Variants in DLGAP1 observed in about 807,000 individuals in gnomAD.
DLGAP1 encodes disks large-associated protein 1.
In DLGAP1, 11 loss-of-function variants were observed where a neutral mutation model predicts 90.8. The ratio of observed to expected loss-of-function variants is 0.12; its 90% CI spans 0.08 to 0.20. The LOEUF is 0.20. DLGAP1 is among the 10% of genes least tolerant of loss of function. DLGAP1 has a pLI of 1.00. For synonymous variants in DLGAP1, 558 were observed against 540.7 expected (o/e 1.03, Z -0.44); for missense variants, 1,050 against 1,333.8 (o/e 0.79, Z 3.31).
At chr18:4,339,441 C>A (rs2081142599) in intron 1 of DLGAP1, among the ~76,000 whole-genome samples, 1 of 152,076 alleles carries the variant, frequency 6.6e-6, no homozygotes, top group Non-Finnish European at 1.5e-5. Flanking sequence ...TCCTATGCAA[C>A]AAACCTGCAC....
At chr18:3,639,958 G>A (rs968854723) in intron 7 of DLGAP1, among the ~76,000 whole-genome samples, 3 of 151,126 alleles carry the variant, frequency 2.0e-5, no homozygotes, top group Admixed American at 2.0e-4. Context: ...GTTTCACCGT[G>A]TTAGCCAGGA....
chr18:3,628,576 C>G (rs1392794480), intron 7 of DLGAP1, among the ~76,000 whole-genome samples: 85 of 152,282 alleles, frequency 5.6e-4, no homozygotes, highest in Non-Finnish European at 8.8e-5. Context: ...AGTTCACATT[C>G]CCCGTGCATC....
At chr18:3,803,107 C>T (rs190542025) in intron 5 of DLGAP1, among the ~76,000 whole-genome samples, 22 of 152,140 alleles carry the variant, frequency 1.4e-4, no homozygotes, top group Non-Finnish European at 1.2e-4. Context: ...ATTTCCATCA[C>T]GGCCAATATC....
At chr18:3,969,522 G>A (rs1256570080) in intron 3 of DLGAP1, among the ~76,000 whole-genome samples, 1 of 152,146 alleles carries the variant, frequency 6.6e-6, no homozygotes, top group African/African-American at 2.4e-5. Context: ...TACACAGAAA[G>A]ACAGTGGTTT....
intron 2 of DLGAP1, among the ~76,000 whole-genome samples, chr18:4,066,339 T>C (rs541585040): frequency 1.4e-4 from 21 of 151,856 alleles, no homozygotes; most frequent in African/African-American, 4.8e-4. Flanking sequence ...AGAGCTTCTG[T>C]ACAGCAAAAA....
chr18:3,868,053 C>T (rs973484939), intron 4 of DLGAP1, among the ~76,000 whole-genome samples: 2 of 152,152 alleles, frequency 1.3e-5, no homozygotes, highest in Non-Finnish European at 2.9e-5. Context: ...CGTTTCACCT[C>T]CTTTGTGAAA....
chr18:4,057,319 G>A (rs1007244341), intron 2 of DLGAP1, among the ~76,000 whole-genome samples: 22 of 152,122 alleles, frequency 1.4e-4, no homozygotes, highest in Admixed American at 1.0e-3. Flanking sequence ...AGGCAAAATG[G>A]CAGGCTTTAA....
chr18:3,762,002 A>G lies in DLGAP1; in HGVS notation c.1173-19490T>C, dbSNP rs970590102. 3.9e-5 allele frequency among the ~76,000 whole-genome samples: 6 copies of G among 152,232 alleles called. No individual in the cohort carries two copies. The East Asian group carries it at 1.2e-3, about 29-fold the overall frequency. ...ACTAACATTTGGGGACCAACACAAT[A>G]AAAACAAACCATCATTTCCCCCACC... On this transcript the variant is annotated intron_variant, in intron 5 of 12. Coordinates refer to ENST00000315677, the MANE Select transcript of DLGAP1 (RefSeq NM_004746.4).
At chr18:3,548,051 A>G (rs72864719) in intron 9 of DLGAP1, among the ~76,000 whole-genome samples, 8,771 of 152,310 alleles carry the variant, frequency 0.058, 325 homozygotes, top group Middle Eastern at 0.15. Flanking sequence ...AGGCAAGTCC[A>G]TAGAGACAGC....
intron 10 of DLGAP1, among the ~76,000 whole-genome samples, chr18:3,521,212 G>A (rs1442259315): frequency 1.3e-5 from 2 of 152,124 alleles, no homozygotes; most frequent in African/African-American, 4.8e-5. Flanking sequence ...ACAATTAGGG[G>A]TACAAGGCTT....
At chr18:3,566,216 A>G (rs1465498452) in intron 9 of DLGAP1, among the ~76,000 whole-genome samples, 2 of 152,120 alleles carry the variant, frequency 1.3e-5, no homozygotes, top group Non-Finnish European at 2.9e-5. Context: ...TCAAGCCCCA[A>G]GAGTGTGATT....
At chr18:3,966,077 G>A (rs2073324632) in intron 3 of DLGAP1, among the ~76,000 whole-genome samples, 1 of 151,638 alleles carries the variant, frequency 6.6e-6, no homozygotes, top group Admixed American at 6.6e-5. Context: ...TAAATAATAA[G>A]TGCCCTGAAA....
intron 3 of DLGAP1, among the ~76,000 whole-genome samples, chr18:3,997,238 C>T (rs2074090044): frequency 9.4e-6 from 1 of 106,882 alleles, no homozygotes; most frequent in Non-Finnish European, 1.9e-5. Flanking sequence ...TTTACAAAAA[C>T]TGAAATGAAA....
chr18:3,585,248 A>G (rs1241098483), intron 7 of DLGAP1, among the ~76,000 whole-genome samples: 1 of 152,224 alleles, frequency 6.6e-6, no homozygotes, highest in Non-Finnish European at 1.5e-5. Flanking sequence ...ATGCCAGTGC[A>G]TATACATTGT....
chr18:3,678,573 A>G (rs1027955091), intron 7 of DLGAP1, among the ~76,000 whole-genome samples: 3 of 152,192 alleles, frequency 2.0e-5, no homozygotes, highest in Non-Finnish European at 4.4e-5. Flanking sequence ...TCCCCATTAC[A>G]TTAAATAATT....
At chr18:3,717,632 A>C (rs1475334801) in intron 7 of DLGAP1, among the ~76,000 whole-genome samples, 1 of 152,204 alleles carries the variant, frequency 6.6e-6, no homozygotes, top group African/African-American at 2.4e-5. Context: ...AGGTGACTGA[A>C]AAAACAGTAA....
intron 1 of DLGAP1, among the ~76,000 whole-genome samples, chr18:4,219,682 A>G (rs2078036335): frequency 1.3e-5 from 2 of 152,006 alleles, no homozygotes; most frequent in Non-Finnish European, 2.9e-5. Context: ...GCATCTAATT[A>G]TAATCTTCTG....
intron 7 of DLGAP1, among the ~76,000 whole-genome samples, chr18:3,674,293 T>A (rs534119961): frequency 5.2e-5 from 4 of 76,500 alleles, no homozygotes; most frequent in African/African-American, 1.1e-4. Flanking sequence ...TCTATAATAT[T>A]AAAATATATA....
chr18:3,872,125 G>T (rs1038327733), intron 4 of DLGAP1, among the ~76,000 whole-genome samples: 5 of 142,652 alleles, frequency 3.5e-5, no homozygotes, highest in African/African-American at 7.8e-5. Flanking sequence ...TTTAGCAAAT[G>T]AAACAAAAAG....
Sources: allele counts gnomAD v4.1 joint callset (sites outside exome capture counted in the v4.1 genomes callset), GRCh38; gene constraint gnomAD v4.1.1; transcripts MANE v1.5; gene names NCBI Gene and HGNC (gene_info 2026-07-23, HGNC 2026-07-21).